TNKS: variants seen among roughly 807,000 people sequenced by gnomAD.
The protein encoded by TNKS is poly [ADP-ribose] polymerase tankyrase-1.
A neutral mutation model predicts 135.8 loss-of-function variants in TNKS; 72 were observed. The ratio of observed to expected loss-of-function variants is 0.53; its 90% CI spans 0.44 to 0.64. The LOEUF is 0.64. TNKS is among the 30% of genes least tolerant of loss of function. The probability of loss-of-function intolerance (pLI) is 0.00; values close to 1 mark genes in which losing one functional copy is unlikely to be tolerated. For synonymous variants in TNKS, 849 were observed against 649.3 expected (o/e 1.31, Z -4.68); for missense variants, 1,769 against 1,674.0 (o/e 1.06, Z -0.99).
chr8:9,638,517 T>C (rs1389414476), intron 3 of TNKS, among the ~76,000 whole-genome samples: 1 of 152,212 alleles, frequency 6.6e-6, no homozygotes, highest in East Asian at 1.9e-4. Context: ...ACCTACTTTT[T>C]TTCTAGATCC....
chr8:9,781,396 T>TCA lies in TNKS; in HGVS notation c.*4666_*4667dup. ...TTGAACCCTGGTAGTGGGGTGTCCC[T>TCA]CACACACCCGCGCACCCCTCCCAAA... is the stretch of plus-strand genomic sequence containing the variant. On this transcript the variant is annotated 3_prime_UTR_variant, in exon 27 of 27. Transcript: ENST00000310430. 1 of 152,302 alleles carries TCA rather than the reference T, an allele frequency of 6.6e-6. No homozygotes were observed. The highest frequency in any genetic ancestry group is 6.5e-5 in the Admixed American group (1 of 15,284). 9.4% of individuals were successfully genotyped at this position (152,302 alleles called of 1,614,324 possible).
Position 9,778,578 on chromosome 8 carries a change from G to C in TNKS, c.*1842G>C, listed in dbSNP as rs546131448. ...AGCCTCAGTTGTTGCTTCTTTTGAA[G>C]TTTCAGTGACCCAAGCTGGGTGTTT... On this transcript the variant is annotated 3_prime_UTR_variant, in exon 27 of 27. Transcript: ENST00000310430. The C allele has an allele frequency of 4.8e-4, 74 of 152,736 alleles. No individual in the cohort carries two copies. Among genetic ancestry groups the C allele is most frequent in the African/African-American group, 1.4e-3 (58 of 41,574 alleles). The allele number at this position is 152,736 out of a possible 1,614,324, so 9.5% of individuals were successfully genotyped here. A position where few individuals can be genotyped will look rare whatever the true frequency, so the allele number is the denominator to read the frequency against.
intron 15 of TNKS, 66 bp downstream of exon 15, chr8:9,733,510 T>C (rs1159637703): frequency 7.4e-7 from 1 of 1,353,346 alleles, no homozygotes; most frequent in African/African-American, 1.5e-5. Context: ...TACTTGAAAG[T>C]AAGTTGGGGT....
At chr8:9,761,016 C>T (rs1807122191) in intron 20 of TNKS, among the ~76,000 whole-genome samples, 1 of 152,182 alleles carries the variant, frequency 6.6e-6, no homozygotes, top group African/African-American at 2.4e-5. Context: ...CTGTCCCGGG[C>T]TTGAGTATTT....
At chr8:9,707,724 C>T (rs1250348374) in intron 8 of TNKS, among the ~76,000 whole-genome samples, 1 of 152,132 alleles carries the variant, frequency 6.6e-6, no homozygotes, top group African/African-American at 2.4e-5. Context: ...CAAAAAATCT[C>T]TCACCTGGTT....
At chr8:9,772,020 G>A (rs1807927993) in intron 26 of TNKS, among the ~76,000 whole-genome samples, 1 of 117,466 alleles carries the variant, frequency 8.5e-6, no homozygotes, top group Non-Finnish European at 1.8e-5. Flanking sequence ...ATGGGGGAGG[G>A]AGAAAGGGAG....
At chr8:9,558,535 C>A (rs1164453895) in intron 1 of TNKS, 1 of 152,116 alleles carries the variant, frequency 6.6e-6, no homozygotes, top group Non-Finnish European at 1.5e-5. Flanking sequence ...CACCATCCCA[C>A]TTTATGCGTA....
intron 2 of TNKS, among the ~76,000 whole-genome samples, chr8:9,593,877 TTTATTA>T (rs199768208): frequency 3.1e-5 from 4 of 130,620 alleles, no homozygotes; most frequent in East Asian, 2.1e-4. Flanking sequence ...TATTTATTTA[TTTATTA>T]TTATTATTAT....
intron 18 of TNKS, 127 bp downstream of exon 18, chr8:9,748,339 T>C (rs1423293107): frequency 3.7e-6 from 3 of 820,518 alleles, no homozygotes; most frequent in Non-Finnish European, 5.0e-6. Flanking sequence ...TCTGAAAATT[T>C]TTGAAGTTCA....
chr8:9,696,444 G>A (rs1200256836), intron 5 of TNKS, among the ~76,000 whole-genome samples: 2 of 151,994 alleles, frequency 1.3e-5, no homozygotes, highest in African/African-American at 2.4e-5. Context: ...TCTAGCTAGA[G>A]CAGTCAGGCA....
intron 2 of TNKS, among the ~76,000 whole-genome samples, chr8:9,588,401 A>G (rs1186085168): frequency 6.6e-6 from 1 of 151,916 alleles, no homozygotes; most frequent in Non-Finnish European, 1.5e-5. Context: ...CAGCCTCCCG[A>G]GTAGCTGGGA....
chr8:9,775,836 A>C lies in TNKS; in HGVS notation c.3898-814A>C, dbSNP rs117340495. ...CTTCTTTTAGTCACAGACCACTCTG[A>C]ACTACTGAATCTAGTTTCATCGTCA... On this transcript the variant is annotated intron_variant, in intron 26 of 26. Transcript: ENST00000310430. Among the ~76,000 whole-genome samples, 13 of 152,094 alleles carry C rather than the reference A, an allele frequency of 8.5e-5. No homozygotes were observed. The East Asian group carries it at 1.9e-3, about 23-fold the overall frequency.
intron 3 of TNKS, among the ~76,000 whole-genome samples, chr8:9,662,784 C>A (rs1801785222): frequency 6.6e-6 from 1 of 152,104 alleles, no homozygotes; most frequent in Admixed American, 6.6e-5. Flanking sequence ...ACTTTTCATT[C>A]AATGAAAGAG....
At chr8:9,613,460 C>G (rs1316929337) in intron 2 of TNKS, among the ~76,000 whole-genome samples, 2 of 152,090 alleles carry the variant, frequency 1.3e-5, no homozygotes, top group Non-Finnish European at 2.9e-5. Context: ...ATACCTTCTC[C>G]TAAAAGTCTT....
chr8:9,581,381 C>G (rs555579671), intron 2 of TNKS, among the ~76,000 whole-genome samples: 21 of 152,206 alleles, frequency 1.4e-4, no homozygotes, highest in South Asian at 4.2e-4. Context: ...CTTTGGATAT[C>G]CTGTCCTTTC....
intron 3 of TNKS, among the ~76,000 whole-genome samples, chr8:9,616,724 A>G (rs536357133): frequency 6.6e-6 from 1 of 152,230 alleles, no homozygotes; most frequent in Non-Finnish European, 1.5e-5. Flanking sequence ...TCAGAGTAAT[A>G]TGACTTTTCT....
At chr8:9,709,298 G>A (rs1013160905) in intron 9 of TNKS, among the ~76,000 whole-genome samples, 2 of 152,068 alleles carry the variant, frequency 1.3e-5, no homozygotes, top group African/African-American at 4.8e-5. Context: ...CAAGCTACAC[G>A]GTGTTATGCT....
At position 9,556,162 on chromosome 8, in the gene TNKS, C is replaced by T; in HGVS notation, c.223C>T (p.Pro75Ser). The change falls in exon 1 of 27, where the codon CCC (proline) becomes TCC (serine). Residue 75 changes from proline (P) to serine (S), a missense_variant. Pro to Ser is a moderately conservative substitution (Grantham distance 74). Transcript: ENST00000310430. ...GGAGGGGGATGGCAGTCGGGATCCG[C>T]CCGACAGGCCCCGATCCCCGGACCC... ...LPEGDGSRDPPDRPRSPDPVD... is the reference protein window; with the variant it reads ...LPEGDGSRDPSDRPRSPDPVD... The T allele has an allele frequency of 6.2e-7, 1 of 1,610,542 alleles. No individual in the cohort carries two copies. The highest frequency in any genetic ancestry group is 8.5e-7 in the Non-Finnish European group (1 of 1,178,026).
At chr8:9,574,651 T>G (rs372920257) in intron 1 of TNKS, among the ~76,000 whole-genome samples, 1 of 152,246 alleles carries the variant, frequency 6.6e-6, no homozygotes, top group Non-Finnish European at 1.5e-5. Flanking sequence ...CTGTTGGTTA[T>G]GTACCCCAAA....
Sources: gnomAD v4.1 joint callset for allele counts (sites outside exome capture counted in the v4.1 genomes callset) on GRCh38, gnomAD v4.1.1 for gene constraint, MANE v1.5 for transcripts, NCBI Gene and HGNC (gene_info 2026-07-23, HGNC 2026-07-21) for gene names.